Variants in ADAMTSL1 observed in about 807,000 individuals in gnomAD.
The protein encoded by ADAMTSL1 is ADAMTS like 1.
ADAMTSL1 carries 126 observed loss-of-function variants against 201.8 expected under a neutral mutation model. The observed-to-expected ratio is 0.62, with a 90% CI of 0.54 to 0.72. The LOEUF (loss-of-function observed/expected upper bound fraction) is 0.72. ADAMTSL1 is among the 30% of genes least tolerant of loss of function. ADAMTSL1 has a pLI of 0.00. For missense variants in ADAMTSL1, 2,679 were observed against 2,277.8 expected (o/e 1.18, Z -3.59); for synonymous variants, 1,121 against 903.4 (o/e 1.24, Z -4.32).
intron 26 of ADAMTSL1, among the ~76,000 whole-genome samples, chr9:18,893,332 T>C (rs773498356): frequency 2.0e-5 from 3 of 152,052 alleles, no homozygotes; most frequent in Non-Finnish European, 4.4e-5. Flanking sequence ...CTGCACTGTG[T>C]CATCAAGGTC....
intron 2 of ADAMTSL1, among the ~76,000 whole-genome samples, chr9:18,516,343 A>T (rs146577199): frequency 2.9e-3 from 449 of 152,294 alleles, no homozygotes; most frequent in African/African-American, 0.01. Flanking sequence ...ATTCACCTGG[A>T]GGCAGGAAGA....
At chr9:17,996,526 T>C (rs1352086467) in intron 1 of ADAMTSL1, among the ~76,000 whole-genome samples, 1 of 152,118 alleles carries the variant, frequency 6.6e-6, no homozygotes, top group Non-Finnish European at 1.5e-5. Context: ...AATTAATTCT[T>C]GGAGAACTTT....
intron 19 of ADAMTSL1, among the ~76,000 whole-genome samples, chr9:18,786,758 T>A (rs918529075): frequency 1.3e-5 from 2 of 152,232 alleles, no homozygotes; most frequent in African/African-American, 4.8e-5. Context: ...TGGAGAATTA[T>A]CAGCCTAAAT....
chr9:18,101,015 T>A (rs7047344), intron 1 of ADAMTSL1, among the ~76,000 whole-genome samples: 7,077 of 152,282 alleles, frequency 0.046, 506 homozygotes, highest in African/African-American at 0.15. Context: ...TGCATGGGGA[T>A]ATGCTGTCAC....
At chr9:18,260,065 G>C (rs1447033646) in intron 2 of ADAMTSL1, among the ~76,000 whole-genome samples, 2 of 152,122 alleles carry the variant, frequency 1.3e-5, no homozygotes, top group Non-Finnish European at 2.9e-5. Context: ...ACCGTCAAAG[G>C]CATCAGCCAG....
intron 1 of ADAMTSL1, among the ~76,000 whole-genome samples, chr9:17,914,041 C>T (rs970542992): frequency 1.3e-5 from 2 of 152,114 alleles, no homozygotes; most frequent in African/African-American, 4.8e-5. Flanking sequence ...AGCTTACCAA[C>T]CAAAAAGACT....
At chr9:18,688,248 C>T (rs1187848705) in intron 13 of ADAMTSL1, among the ~76,000 whole-genome samples, 10 of 151,798 alleles carry the variant, frequency 6.6e-5, no homozygotes, top group East Asian at 1.9e-4. Context: ...CTCAGCCTCC[C>T]GCATAGCTGG....
At chr9:18,289,453 G>A (rs917903163) in intron 2 of ADAMTSL1, among the ~76,000 whole-genome samples, 1 of 152,166 alleles carries the variant, frequency 6.6e-6, no homozygotes, top group African/African-American at 2.4e-5. Flanking sequence ...AGGACCAAGA[G>A]AAAGACTTGA....
intron 1 of ADAMTSL1, among the ~76,000 whole-genome samples, chr9:18,116,224 A>G (rs553398031): frequency 6.6e-6 from 1 of 152,294 alleles, no homozygotes; most frequent in South Asian, 2.1e-4. Context: ...TTAATGGACT[A>G]CATAATTGTA....
intron 1 of ADAMTSL1, among the ~76,000 whole-genome samples, chr9:18,096,362 T>A (rs1392881337): frequency 6.6e-6 from 1 of 152,230 alleles, no homozygotes; most frequent in African/African-American, 2.4e-5. Flanking sequence ...TACCAGCAAT[T>A]TTTATTTCAA....
chr9:17,981,229 G>C (rs1003863486), intron 1 of ADAMTSL1, among the ~76,000 whole-genome samples: 1 of 152,200 alleles, frequency 6.6e-6, no homozygotes, highest in Non-Finnish European at 1.5e-5. Context: ...CCAGTGTTGT[G>C]ATCTTGGACT....
At chr9:18,685,479 C>G (rs1041979965) in intron 13 of ADAMTSL1, among the ~76,000 whole-genome samples, 2 of 152,200 alleles carry the variant, frequency 1.3e-5, no homozygotes, top group African/African-American at 4.8e-5. Context: ...GCTGCTACAT[C>G]ACTTTTACAA....
rs763669513 is a variant in ADAMTSL1 at position 18,777,017 on chromosome 9, G to A, written c.2788G>A (p.Gly930Ser). 46 of 1,606,594 alleles carry A rather than the reference G, an allele frequency of 2.9e-5. No individual in the cohort carries two copies. The highest frequency in any genetic ancestry group is 1.5e-4 in the South Asian group (14 of 90,550). ...GACGCACGTCACGGTGGCCCCCTTC[G>A]GCTATCTCAAGATCCACCGCCTCAA... is the stretch of plus-strand genomic sequence containing the variant. ...SSTHVTVAPF[G>S]YLKIHRLKPS... Residue 930 changes from glycine (G) to serine (S), a missense_variant, in exon 19 of 29, where the codon GGC becomes AGC. Gly to Ser is a moderately conservative substitution (Grantham distance 56). Transcript: ENST00000380548.
At chr9:18,646,082 T>C (rs1419744607) in intron 7 of ADAMTSL1, among the ~76,000 whole-genome samples, 1 of 152,038 alleles carries the variant, frequency 6.6e-6, no homozygotes, top group Non-Finnish European at 1.5e-5. Flanking sequence ...TGGTTTGTAG[T>C]TCTCCTTGAA....
chr9:18,417,280 GA>G (rs1818718993), intron 2 of ADAMTSL1, among the ~76,000 whole-genome samples: 1 of 126,874 alleles, frequency 7.9e-6, no homozygotes, highest in Admixed American at 8.5e-5. Flanking sequence ...TGTTAGTAAA[GA>G]AAAAAGGTCT....
At chr9:17,946,283 A>G (rs1344305997) in intron 1 of ADAMTSL1, among the ~76,000 whole-genome samples, 1 of 152,016 alleles carries the variant, frequency 6.6e-6, no homozygotes, top group East Asian at 1.9e-4. Flanking sequence ...ACAGGCTTGA[A>G]CCATCATGCC....
intron 4 of ADAMTSL1, among the ~76,000 whole-genome samples, chr9:18,592,458 T>C (rs966523294): frequency 3.3e-5 from 5 of 152,184 alleles, no homozygotes; most frequent in Non-Finnish European, 7.4e-5. Flanking sequence ...TGGTTGCCAT[T>C]GAGTTATTTT....
At chr9:18,364,787 A>G (rs567339055) in intron 2 of ADAMTSL1, among the ~76,000 whole-genome samples, 1 of 152,214 alleles carries the variant, frequency 6.6e-6, no homozygotes, top group East Asian at 1.9e-4. Flanking sequence ...TCATGGGGGA[A>G]GGTGAAGGGC....
intron 2 of ADAMTSL1, among the ~76,000 whole-genome samples, chr9:18,362,906 C>T (rs2133086662): frequency 6.6e-6 from 1 of 152,272 alleles, no homozygotes; most frequent in Admixed American, 6.5e-5. Context: ...GCAAAGAAAT[C>T]CAACCAAGTA....
Sources: gnomAD v4.1 joint callset for allele counts (sites outside exome capture counted in the v4.1 genomes callset) on GRCh38, gnomAD v4.1.1 for gene constraint, MANE v1.5 for transcripts, NCBI Gene and HGNC (gene_info 2026-07-23, HGNC 2026-07-21) for gene names.